The following CYP19A1 variants were observed in gnomAD, a reference collection of about 807,000 sequenced individuals.
The protein encoded by CYP19A1 is aromatase.
Under a neutral mutation model 44.4 loss-of-function variants are expected in CYP19A1, and 32 were observed. The observed-to-expected ratio is 0.72, with a 90% confidence interval of 0.54 to 0.97. The LOEUF is 0.97. Among genes scored for constraint, CYP19A1 ranks in the 50% least tolerant of loss-of-function variants. CYP19A1 has a pLI of 0.00. For synonymous variants in CYP19A1, 212 were observed against 215.6 expected (o/e 0.98, Z 0.14); for missense variants, 598 against 637.8 (o/e 0.94, Z 0.67).
Position 51,336,553 on chromosome 15 carries a change from T to G in CYP19A1, c.-39+1942A>C, listed in dbSNP as rs75484265. Among the ~76,000 whole-genome samples, 464 of 152,260 alleles carry G rather than the reference T, an allele frequency of 3.0e-3. 9 individuals are homozygous for G. In the East Asian group the frequency reaches 0.062, roughly 20 times the overall value. ...GCAGTAAAACCATCAAAAGTCACAG[T>G]GTAGCTGTCAATCTCATCACTGAAG... is the stretch of plus-strand genomic sequence containing the variant. On this transcript the variant is annotated intron_variant, in intron 1 of 9. Transcript: ENST00000396402.
At chr15:51,319,911 C>A (rs1482667259) in intron 1 of CYP19A1, among the ~76,000 whole-genome samples, 1 of 152,214 alleles carries the variant, frequency 6.6e-6, no homozygotes, top group South Asian at 2.1e-4. Flanking sequence ...TATAATAATG[C>A]CTGCCCTGCT....
In CYP19A1 at chr15:51,236,859, T is replaced by C; in HGVS notation, c.296A>G (p.Lys99Arg). The C allele has an allele frequency of 6.2e-7, 1 of 1,614,168 alleles. No homozygotes were observed. The highest frequency in any genetic ancestry group is 1.1e-5 in the South Asian group (1 of 91,078). Residue 99 changes from lysine (K) to arginine (R), a missense_variant and splice_region_variant, in exon 3 of 10, where the codon AAG becomes AGG. By Grantham distance (26) the Lys-to-Arg change is conservative (BLOSUM62 2). Transcript: ENST00000396402. ...TGTCTTCGATTATGAACAGACTCAC[T>C]TGCTGATAATGAGTGTTTCCTCTCC... ...ISGEETLIIS[K>R]SSSMFHIMKH...
intron 1 of CYP19A1, among the ~76,000 whole-genome samples, chr15:51,282,700 C>T (rs1184425317): frequency 1.3e-5 from 2 of 152,194 alleles, no homozygotes; most frequent in Non-Finnish European, 1.5e-5. Flanking sequence ...TCCTGGCTGC[C>T]CAACGTGGGG....
At chr15:51,213,605 T>A (rs1372160633) in intron 8 of CYP19A1, among the ~76,000 whole-genome samples, 1 of 152,186 alleles carries the variant, frequency 6.6e-6, no homozygotes, top group African/African-American at 2.4e-5. Flanking sequence ...AGCGAGTCTG[T>A]GTGTGGCACA....
In CYP19A1 at chr15:51,215,171, G is replaced by T; in HGVS notation, c.920C>A (p.Ala307Asp). Residue 307 changes from alanine (A) to aspartate (D), a missense_variant, in exon 8 of 10, where the codon GCT becomes GAT. Physicochemically the swap from Ala to Asp is moderately radical, Grantham distance 126 (BLOSUM62 -2). Coordinates refer to ENST00000396402, the MANE Select transcript of CYP19A1 (RefSeq NM_000103.4). ...NQCILEMLIA[A>D]PDTMSVSLFF... ...CAAAGAGACAGACATGGTGTCAGGA[G>T]CTGCGATCAGCATTTCCAATATGCA... is the stretch of plus-strand genomic sequence containing the variant. 6.2e-7 allele frequency: 1 copy of T among 1,614,094 alleles called. No homozygotes were observed. Among genetic ancestry groups the T allele is most frequent in the Non-Finnish European group, 8.5e-7 (1 of 1,180,000 alleles).
intron 1 of CYP19A1, among the ~76,000 whole-genome samples, chr15:51,249,567 G>T (rs1421052870): frequency 2.6e-5 from 4 of 152,114 alleles, no homozygotes; most frequent in African/African-American, 7.2e-5. Flanking sequence ...TCTGAGCAGG[G>T]TACTACATTC....
intron 2 of CYP19A1, among the ~76,000 whole-genome samples, chr15:51,239,838 T>G (rs1337406254): frequency 6.6e-6 from 1 of 152,164 alleles, no homozygotes; most frequent in Non-Finnish European, 1.5e-5. Flanking sequence ...AAAAGAGGAA[T>G]GTCAGTTGCC....
intron 1 of CYP19A1, among the ~76,000 whole-genome samples, chr15:51,272,931 T>C (rs2035180598): frequency 6.6e-6 from 1 of 152,182 alleles, no homozygotes; most frequent in African/African-American, 2.4e-5. Context: ...ACAGGCTTCA[T>C]AATGGGAGGG....
intron 1 of CYP19A1, among the ~76,000 whole-genome samples, chr15:51,244,920 TA>T (rs1266477184): frequency 6.6e-6 from 1 of 152,232 alleles, no homozygotes; most frequent in Non-Finnish European, 1.5e-5. Flanking sequence ...CAAGCACTTT[TA>T]AAAAACCTGT....
rs2032174587 is a variant in CYP19A1, at chr15:51,222,380, A to C, written c.597T>G (p.Ser199=). The C allele has an allele frequency of 6.2e-7, 1 of 1,614,052 alleles. No individual in the cohort carries two copies. Among genetic ancestry groups the C allele is most frequent in the East Asian group, 2.2e-5 (1 of 44,878 alleles). ...AAGGGATCCTCAAGAAGAGCGTGTT[A>C]GAGGTGTCCAGCATGACACGACGCA... The part of the protein sequence containing the change: ...TLLRRVMLDT[S]NTLFLRIPLD... Residue 199 remains serine, a synonymous_variant, in exon 5 of 10, where the codon TCT becomes TCG. Transcript: ENST00000396402.
intron 3 of CYP19A1, among the ~76,000 whole-genome samples, chr15:51,234,902 A>C (rs2033287079): frequency 1.3e-5 from 2 of 152,196 alleles, no homozygotes; most frequent in South Asian, 4.1e-4. Flanking sequence ...GCACTGTGCT[A>C]GATCCTGGGC....
intron 1 of CYP19A1, among the ~76,000 whole-genome samples, chr15:51,286,960 G>A (rs2035717461): frequency 6.6e-6 from 1 of 152,118 alleles, no homozygotes; most frequent in Admixed American, 6.5e-5. Flanking sequence ...TGCTGAGGCT[G>A]ATTCTAAAAG....
intron 1 of CYP19A1, among the ~76,000 whole-genome samples, chr15:51,267,305 T>C (rs1364865984): frequency 6.6e-6 from 1 of 152,020 alleles, no homozygotes; most frequent in Non-Finnish European, 1.5e-5. Flanking sequence ...GCCCGCAGAA[T>C]CTGCGCGGCC....
rs1393223479 is a variant in CYP19A1 at position 51,256,798 on chromosome 15, A to G, written c.-38-13848T>C. 9.9e-5 allele frequency among the ~76,000 whole-genome samples: 15 copies of G among 152,218 alleles called. 1 individual carries two copies. ...AAGTGATAGCTAATGTTAATGGCAG[A>G]ATCATATCCTTCAAAAACAAAGCGA... On this transcript the variant is annotated intron_variant, in intron 1 of 9. Transcript: ENST00000396402.
At chr15:51,245,459 G>A (rs2034010625) in intron 1 of CYP19A1, among the ~76,000 whole-genome samples, 1 of 152,116 alleles carries the variant, frequency 6.6e-6, no homozygotes, top group African/African-American at 2.4e-5. Context: ...TCATCTGCAT[G>A]GGCAAGGACT....
intron 1 of CYP19A1, among the ~76,000 whole-genome samples, chr15:51,287,315 G>A (rs146354469): frequency 1.0e-3 from 158 of 152,302 alleles, no homozygotes; most frequent in Non-Finnish European, 1.8e-3. Context: ...ACATTGCTGC[G>A]GGGTTCACCC....
At chr15:51,316,204 T>C (rs2036423669) in intron 1 of CYP19A1, 1 of 152,202 alleles carries the variant, frequency 6.6e-6, no homozygotes, top group Admixed American at 6.5e-5. Context: ...GAAAAAAATA[T>C]GTTGGCTGGG....
At chr15:51,292,210 G>C (rs1481532548) in intron 1 of CYP19A1, among the ~76,000 whole-genome samples, 1 of 152,210 alleles carries the variant, frequency 6.6e-6, no homozygotes, top group African/African-American at 2.4e-5. Context: ...CTCAACCCTG[G>C]TGATAGTCAA....
chr15:51,286,027 A>G (rs183527517), intron 1 of CYP19A1, among the ~76,000 whole-genome samples: 6 of 152,230 alleles, frequency 3.9e-5, no homozygotes, highest in South Asian at 2.1e-4. Flanking sequence ...CTCCACATGC[A>G]TACCCACCAG....
Sources: gnomAD v4.1 joint callset for allele counts (sites outside exome capture counted in the v4.1 genomes callset) on GRCh38, gnomAD v4.1.1 for gene constraint, MANE v1.5 for transcripts, NCBI Gene and HGNC (gene_info 2026-07-23, HGNC 2026-07-21) for gene names.